TNS1: variants seen among roughly 807,000 people sequenced by gnomAD.
TNS1 encodes tensin-1.
A neutral mutation model predicts 168.6 loss-of-function variants in TNS1; 62 were observed. That is an observed-to-expected ratio of 0.37 (90% CI 0.30 to 0.45). The LOEUF is 0.45. TNS1 is among the 20% of genes least tolerant of loss of function. The pLI is 1.00. For synonymous variants in TNS1, 934 were observed against 933.2 expected, an observed-to-expected ratio of 1.00 and a Z score of -0.02; for missense variants, 2,240 against 2,339.4, an observed-to-expected ratio of 0.96 and a Z score of 0.88.
At chr2:217,818,786 T>A in intron 23 of TNS1, 27 bp from the exon 24 acceptor site, 1 of 1,569,180 alleles carries the variant, frequency 6.4e-7, no homozygotes, top group Non-Finnish European at 8.7e-7. Flanking sequence ...GGTTGCGATG[T>A]CAGTGGACAG....
Position 217,899,905 on chromosome 2 carries a change from G to A in TNS1, c.371+558C>T, listed in dbSNP as rs538627817. Among the ~76,000 whole-genome samples, 5 of 152,326 alleles carry A rather than the reference G, an allele frequency of 3.3e-5. No individual in the cohort carries two copies. In the East Asian group the frequency reaches 9.7e-4, roughly 29 times the overall value. On this transcript the variant is annotated intron_variant, in intron 7 of 32. Transcript: ENST00000682258. ...CCCAATCATCTCAGGAGCCTCAGTG[G>A]GTGAAGGTGAGGCAGAGAGGGCAAA...
At chr2:217,987,348 G>T (rs1958222880) in intron 2 of TNS1, among the ~76,000 whole-genome samples, 1 of 152,112 alleles carries the variant, frequency 6.6e-6, no homozygotes, top group African/African-American at 2.4e-5. Context: ...GAACCCCTTT[G>T]CCTGTACATC....
chr2:217,957,325 G>T (rs575691056), intron 3 of TNS1, among the ~76,000 whole-genome samples: 2 of 152,098 alleles, frequency 1.3e-5, no homozygotes, highest in African/African-American at 4.8e-5. Context: ...CCAAGGTGCC[G>T]CACTCCTCCC....
chr2:217,999,517 G>A (rs1390135915), intron 1 of TNS1, among the ~76,000 whole-genome samples: 2 of 152,190 alleles, frequency 1.3e-5, no homozygotes, highest in Non-Finnish European at 2.9e-5. Flanking sequence ...GAATAAAAGG[G>A]CAGTGCTCTT....
At chr2:217,964,107 G>A (rs962940124) in intron 3 of TNS1, among the ~76,000 whole-genome samples, 5 of 152,136 alleles carry the variant, frequency 3.3e-5, no homozygotes, top group African/African-American at 1.2e-4. Flanking sequence ...GGAGGCCTCA[G>A]TAAAGCAAAA....
intron 8 of TNS1, among the ~76,000 whole-genome samples, chr2:217,895,677 C>T (rs577159468): frequency 6.9e-4 from 105 of 152,298 alleles, no homozygotes; most frequent in Middle Eastern, 6.8e-3. Context: ...ACATACCTCT[C>T]CCAGCACATG....
chr2:217,817,053 A>G (rs1156619302), intron 24 of TNS1, among the ~76,000 whole-genome samples: 1 of 152,216 alleles, frequency 6.6e-6, no homozygotes, highest in Non-Finnish European at 1.5e-5. Flanking sequence ...AGTTGGGTCT[A>G]CGAGGAGTGA....
chr2:217,872,829 T>C (rs1452865297), intron 18 of TNS1, among the ~76,000 whole-genome samples: 1 of 152,202 alleles, frequency 6.6e-6, no homozygotes, highest in Non-Finnish European at 1.5e-5. Flanking sequence ...AAACAAAATA[T>C]GGTATGGCCT....
intron 3 of TNS1, among the ~76,000 whole-genome samples, chr2:217,965,851 T>C (rs1215011163): frequency 6.6e-6 from 1 of 151,880 alleles, no homozygotes; most frequent in Non-Finnish European, 1.5e-5. Context: ...CCGATAGAGC[T>C]CCTAACCTGA....
intron 22 of TNS1, among the ~76,000 whole-genome samples, chr2:217,828,068 T>C (rs571062586): frequency 3.3e-5 from 5 of 152,322 alleles, no homozygotes; most frequent in Admixed American, 3.3e-4. Flanking sequence ...CTCCAGCTAA[T>C]TCTAGACTCT....
At chr2:217,831,626 G>C in intron 21 of TNS1, 79 bp from the exon 22 acceptor site, 1 of 1,170,300 alleles carries the variant, frequency 8.5e-7, no homozygotes, top group Non-Finnish European at 1.1e-6. Context: ...GTGAGGGCAC[G>C]CTTAGTGAGG....
intron 1 of TNS1, among the ~76,000 whole-genome samples, chr2:218,016,647 T>A (rs981034065): frequency 1.3e-5 from 2 of 151,840 alleles, no homozygotes; most frequent in Admixed American, 6.6e-5. Flanking sequence ...GGGACCCAGG[T>A]CACACAGACA....
Position 217,818,567 on chromosome 2 carries a change from A to C in TNS1, c.3765T>G (p.Leu1255=). The C allele has an allele frequency of 6.2e-7, 1 of 1,614,170 alleles. No homozygotes were observed. Among genetic ancestry groups the C allele is most frequent in the Non-Finnish European group, 8.5e-7 (1 of 1,180,000 alleles). Residue 1255 remains leucine, a synonymous_variant, in exon 24 of 33, where the codon CTT becomes CTG. Coordinates refer to ENST00000682258, the MANE Select transcript of TNS1 (RefSeq NM_001387777.1). ...TTTCCGGAGAGGAGCTGAAATGCTGAAGTGAGTAGTCGGGGCTGCTGTAGC... is the reference window on the plus strand; with the variant it reads ...TTTCCGGAGAGGAGCTGAAATGCTGCAGTGAGTAGTCGGGGCTGCTGTAGC... The part of the protein sequence containing the change: ...GSSYSSPDYS[L]QHFSSSPESQ...
At chr2:217,981,735 T>C (rs1007900351) in intron 2 of TNS1, among the ~76,000 whole-genome samples, 5 of 152,200 alleles carry the variant, frequency 3.3e-5, no homozygotes, top group Admixed American at 6.5e-5. Context: ...AAGCCCTCTT[T>C]GCGTGCCTAT....
intron 11 of TNS1, 39 bp from the exon 12 acceptor site, chr2:217,891,084 G>C: frequency 6.2e-7 from 1 of 1,605,170 alleles, no homozygotes; most frequent in Non-Finnish European, 8.5e-7. Flanking sequence ...GGCAACTCCT[G>C]CATCCAAGAG....
Position 217,987,929 on chromosome 2 carries a change from G to A in TNS1, c.148+3013C>T, listed in dbSNP as rs145061146. ...CAACCTCATGCCATCATGAGCTCCTGACTCCAAAGCACAGACAGTGGCTTC... is the reference window on the plus strand; with the variant it reads ...CAACCTCATGCCATCATGAGCTCCTAACTCCAAAGCACAGACAGTGGCTTC... On this transcript the variant is annotated intron_variant, in intron 2 of 32. Transcript: ENST00000682258. Among the ~76,000 whole-genome samples the A allele has an allele frequency of 2.6e-4, 39 of 152,276 alleles. 1 individual carries two copies. The East Asian group carries it at 7.1e-3, about 28-fold the overall frequency.
chr2:218,013,726 A>G (rs1448329512), upstream of TNS1, among the ~76,000 whole-genome samples: 1 of 152,084 alleles, frequency 6.6e-6, no homozygotes. Flanking sequence ...TCAGCCACAG[A>G]GTCCAGACTG....
intron 3 of TNS1, among the ~76,000 whole-genome samples, chr2:217,960,078 A>T (rs1957460746): frequency 6.6e-6 from 1 of 152,030 alleles, no homozygotes; most frequent in South Asian, 2.1e-4. Flanking sequence ...ACAGCCCCTC[A>T]CCTACCCTTG....
chr2:217,825,419 C>T (rs995877659), intron 22 of TNS1, among the ~76,000 whole-genome samples: 32 of 152,240 alleles, frequency 2.1e-4, no homozygotes, highest in African/African-American at 4.3e-4. Flanking sequence ...AGGGAGCACT[C>T]GGGGTGCTTT....
Sources: allele counts gnomAD v4.1 joint callset (sites outside exome capture counted in the v4.1 genomes callset), GRCh38; gene constraint gnomAD v4.1.1; transcripts MANE v1.5; gene names NCBI Gene and HGNC (gene_info 2026-07-23, HGNC 2026-07-21).